The following DKK2 variants were observed in gnomAD, a reference collection of about 807,000 sequenced individuals.
The protein encoded by DKK2 is dickkopf Wnt signaling pathway inhibitor 2.
Under a neutral mutation model 28.1 loss-of-function variants are expected in DKK2, and 11 were observed. The observed-to-expected ratio is 0.39, with a 90% confidence interval of 0.25 to 0.65. The LOEUF (loss-of-function observed/expected upper bound fraction) is 0.65. Ranked by LOEUF, DKK2 falls within the 30% of genes least tolerant of loss-of-function variation. The pLI, the probability that DKK2 is intolerant of heterozygous loss-of-function variation, is 0.47. For missense variants in DKK2, 326 were observed against 335.5 expected (o/e 0.97, Z 0.22); for synonymous variants, 135 against 126.5 (o/e 1.07, Z -0.45).
chr4:106,980,691 G>A (rs1006669975), intron 1 of DKK2, among the ~76,000 whole-genome samples: 1 of 152,086 alleles, frequency 6.6e-6, no homozygotes, highest in South Asian at 2.1e-4. Flanking sequence ...AGCATTATCT[G>A]TTTATTTGTC....
chr4:106,944,083 G>A (rs554867717), intron 1 of DKK2, among the ~76,000 whole-genome samples: 1 of 152,052 alleles, frequency 6.6e-6, no homozygotes, highest in African/African-American at 2.4e-5. Flanking sequence ...TTTCATGACA[G>A]CTTCCTTTAA....
chr4:106,963,120 T>C (rs1204894507), intron 1 of DKK2, among the ~76,000 whole-genome samples: 2 of 151,638 alleles, frequency 1.3e-5, no homozygotes, highest in African/African-American at 2.4e-5. Context: ...TTTGGGAGGC[T>C]GAGGCGGGCG....
At chr4:107,012,087 A>G (rs1723526318) in intron 1 of DKK2, among the ~76,000 whole-genome samples, 1 of 151,372 alleles carries the variant, frequency 6.6e-6, no homozygotes, top group African/African-American at 2.4e-5. Context: ...AACAAAAATC[A>G]TTTTAATCAC....
chr4:106,968,394 T>G lies in DKK2; in HGVS notation c.223-42445A>C, dbSNP rs182171494. Among the ~76,000 whole-genome samples the G allele has an allele frequency of 1.3e-3, 205 of 152,214 alleles. 1 individual carries two copies. Among genetic ancestry groups the G allele is most frequent in the Non-Finnish European group, 3.2e-4 (22 of 67,998 alleles). ...ATAAGCCCAGGATAATCAACTTGCT[T>G]AAGGTGATGTAACCAGTTCTCACAC... On this transcript the variant is annotated intron_variant, in intron 1 of 3. Coordinates refer to ENST00000285311, the MANE Select transcript of DKK2 (RefSeq NM_014421.3).
intron 1 of DKK2, among the ~76,000 whole-genome samples, chr4:107,026,337 T>C (rs1347258148): frequency 1.3e-5 from 2 of 152,152 alleles, no homozygotes. Flanking sequence ...ATTAATAAAA[T>C]ATTATTTATG....
intron 1 of DKK2, among the ~76,000 whole-genome samples, chr4:106,955,087 A>G (rs1370348495): frequency 6.6e-6 from 1 of 152,226 alleles, no homozygotes; most frequent in Non-Finnish European, 1.5e-5. Flanking sequence ...ATTTATTCAT[A>G]AATCAAGTAA....
rs543734576 is a variant in DKK2 at position 106,999,379 on chromosome 4, C to T, written c.222+35991G>A. Among the ~76,000 whole-genome samples the T allele has an allele frequency of 7.9e-5, 12 of 152,302 alleles. No homozygotes were observed. In the South Asian group the frequency reaches 2.5e-3, roughly 32 times the overall value. The stretch of plus-strand genomic sequence containing the variant: ...TTTTTCTTTTTTTGAGACGGAGTCT[C>T]TCTCTGTCCCAGGCTGGAGTGCAGT... On this transcript the variant is annotated intron_variant, in intron 1 of 3. Transcript: ENST00000285311.
chr4:107,014,706 A>G (rs1429619910), intron 1 of DKK2, among the ~76,000 whole-genome samples: 2 of 151,648 alleles, frequency 1.3e-5, no homozygotes, highest in Non-Finnish European at 3.0e-5. Flanking sequence ...AAATGCCCTG[A>G]TTTGATCATT....
intron 1 of DKK2, among the ~76,000 whole-genome samples, chr4:106,964,223 G>A (rs148526947): frequency 3.9e-4 from 59 of 152,176 alleles, no homozygotes; most frequent in African/African-American, 1.3e-3. Context: ...TGGACCTGGA[G>A]GGCACTCTAT....
intron 1 of DKK2, among the ~76,000 whole-genome samples, chr4:106,993,623 C>T (rs892082142): frequency 1.3e-5 from 2 of 152,000 alleles, no homozygotes; most frequent in Non-Finnish European, 2.9e-5. Context: ...AATAGGCAAA[C>T]TAGATTTCAC....
At chr4:106,924,351 T>C in intron 3 of DKK2, 147 bp from the exon 4 acceptor site, 1 of 1,290,880 alleles carries the variant, frequency 7.7e-7, no homozygotes. Flanking sequence ...TTGATACCAA[T>C]TGGCTCTGCC....
At chr4:106,940,839 G>C (rs1002380910) in intron 1 of DKK2, among the ~76,000 whole-genome samples, 64 of 152,020 alleles carry the variant, frequency 4.2e-4, no homozygotes, top group Non-Finnish European at 8.7e-4. Flanking sequence ...AATCATCATT[G>C]TCAGTAAACT....
chr4:107,024,571 G>C (rs1041072820), intron 1 of DKK2, among the ~76,000 whole-genome samples: 1 of 152,094 alleles, frequency 6.6e-6, no homozygotes, highest in Non-Finnish European at 1.5e-5. Flanking sequence ...ATTATTCTCT[G>C]GTTGATTCTA....
intron 1 of DKK2, among the ~76,000 whole-genome samples, chr4:107,014,516 G>A (rs557681576): frequency 6.6e-6 from 1 of 151,422 alleles, no homozygotes; most frequent in African/African-American, 2.4e-5. Context: ...GGATGGGGAG[G>A]GGCTGGTCAT....
intron 1 of DKK2, among the ~76,000 whole-genome samples, chr4:106,981,272 C>A (rs984339213): frequency 6.6e-6 from 1 of 152,026 alleles, no homozygotes; most frequent in African/African-American, 2.4e-5. Context: ...ATAATTGACA[C>A]AATATGCAAA....
chr4:106,934,026 A>G (rs547253247), intron 1 of DKK2, among the ~76,000 whole-genome samples: 2 of 150,730 alleles, frequency 1.3e-5, no homozygotes, highest in Non-Finnish European at 3.0e-5. Context: ...ATATACACAC[A>G]CTATATATAT....
chr4:107,009,072 T>C (rs1312385250), intron 1 of DKK2, among the ~76,000 whole-genome samples: 1 of 152,010 alleles, frequency 6.6e-6, no homozygotes, highest in Non-Finnish European at 1.5e-5. Flanking sequence ...AGGGTTACTG[T>C]GATAGAACCA....
intron 1 of DKK2, 65 bp from the exon 2 acceptor site, chr4:106,926,014 C>T: frequency 6.7e-7 from 1 of 1,483,660 alleles, no homozygotes; most frequent in South Asian, 1.3e-5. Flanking sequence ...TGAAACATTA[C>T]TATAGCAAAT....
At chr4:106,966,995 T>C (rs1231919525) in intron 1 of DKK2, among the ~76,000 whole-genome samples, 2 of 152,146 alleles carry the variant, frequency 1.3e-5, no homozygotes, top group African/African-American at 2.4e-5. Flanking sequence ...TTGTATATCA[T>C]AGGAGTCATG....
Sources: gnomAD v4.1 joint callset for allele counts (sites outside exome capture counted in the v4.1 genomes callset) on GRCh38, gnomAD v4.1.1 for gene constraint, MANE v1.5 for transcripts, NCBI Gene and HGNC (gene_info 2026-07-23, HGNC 2026-07-21) for gene names.